The following PTPRD variants were observed in gnomAD, a reference collection of about 807,000 sequenced individuals.
PTPRD encodes receptor-type tyrosine-protein phosphatase delta.
A neutral mutation model predicts 214.5 loss-of-function variants in PTPRD; 34 were observed. That is an observed-to-expected ratio of 0.16 (90% CI 0.12 to 0.21). The LOEUF (loss-of-function observed/expected upper bound fraction) is 0.21. Ranked by LOEUF, PTPRD falls within the 10% of genes least tolerant of loss-of-function variation. PTPRD has a pLI of 1.00. For synonymous variants in PTPRD, 1,128 were observed against 845.7 expected (o/e 1.33, Z -5.79); for missense variants, 2,545 against 2,398.7 (o/e 1.06, Z -1.27).
intron 11 of PTPRD, among the ~76,000 whole-genome samples, chr9:9,016,829 C>T (rs2099537483): frequency 6.6e-6 from 1 of 152,096 alleles, no homozygotes; most frequent in African/African-American, 2.4e-5. Flanking sequence ...TGACAACTTG[C>T]TCAAATACCG....
intron 5 of PTPRD, among the ~76,000 whole-genome samples, chr9:9,798,756 G>A (rs1221629911): frequency 6.6e-6 from 1 of 152,134 alleles, no homozygotes; most frequent in Non-Finnish European, 1.5e-5. Context: ...GAGAGCGCAG[G>A]TAAAATGACT....
At chr9:10,241,837 G>T (rs1328416363) in intron 3 of PTPRD, among the ~76,000 whole-genome samples, 5 of 151,896 alleles carry the variant, frequency 3.3e-5, no homozygotes, top group Non-Finnish European at 7.4e-5. Flanking sequence ...ACAATTTATT[G>T]TGTTGTCAAT....
intron 3 of PTPRD, among the ~76,000 whole-genome samples, chr9:10,283,067 A>G (rs989258769): frequency 5.3e-5 from 8 of 151,978 alleles, no homozygotes; most frequent in Non-Finnish European, 1.2e-4. Flanking sequence ...ATTATTCTCC[A>G]GCTTGAAATT....
chr9:10,536,695 T>C (rs1449210952), intron 2 of PTPRD, among the ~76,000 whole-genome samples: 2 of 152,050 alleles, frequency 1.3e-5, no homozygotes, highest in Non-Finnish European at 1.5e-5. Context: ...ACAGAATGCA[T>C]TGCTTGTATA....
chr9:9,304,359 A>G (rs1025094195), intron 9 of PTPRD, among the ~76,000 whole-genome samples: 11 of 152,134 alleles, frequency 7.2e-5, no homozygotes, highest in African/African-American at 2.7e-4. Context: ...TTGAGCAAAG[A>G]CTTAAAGGAG....
intron 2 of PTPRD, among the ~76,000 whole-genome samples, chr9:10,358,607 G>T (rs1042583233): frequency 1.3e-5 from 2 of 151,834 alleles, no homozygotes; most frequent in African/African-American, 2.4e-5. Context: ...GAAAAATTTA[G>T]AGTTAGAAAA....
chr9:8,497,305 TAAA>T (rs2097298524), intron 25 of PTPRD, 37 bp from the exon 26 acceptor site: 2 of 1,558,152 alleles, frequency 1.3e-6, no homozygotes, highest in Non-Finnish European at 1.7e-6. Context: ...GAAAACAAAA[TAAA>T]AAGAAAAAGA....
At chr9:9,275,810 G>A (rs1945379953) in intron 9 of PTPRD, among the ~76,000 whole-genome samples, 1 of 150,526 alleles carries the variant, frequency 6.6e-6, no homozygotes, top group Admixed American at 6.7e-5. Context: ...ACAACAGTGA[G>A]CGAAACAGCT....
At position 10,514,236 on chromosome 9, in the gene PTPRD, A is replaced by T. The variant is rs145894118; in HGVS notation, c.-600+98162T>A. 1.5e-4 allele frequency among the ~76,000 whole-genome samples: 23 copies of T among 152,186 alleles called. No homozygotes were observed. The East Asian group carries it at 4.3e-3, about 28-fold the overall frequency. On this transcript the variant is annotated intron_variant, in intron 2 of 45. Coordinates refer to ENST00000381196, the MANE Select transcript of PTPRD (RefSeq NM_002839.4). ...TACTTGTTCATTTTTGTACAAGTAT[A>T]GATACTTCTAAACTCTGCATATTTA...
At chr9:10,156,621 TAG>T (rs1304775935) in intron 3 of PTPRD, among the ~76,000 whole-genome samples, 4 of 152,180 alleles carry the variant, frequency 2.6e-5, no homozygotes, top group African/African-American at 9.7e-5. Context: ...TGTTTTGGGG[TAG>T]AGAGTTGTGT....
intron 11 of PTPRD, among the ~76,000 whole-genome samples, chr9:8,934,670 T>G (rs1354658127): frequency 6.7e-6 from 1 of 149,246 alleles, no homozygotes; most frequent in East Asian, 2.0e-4. Context: ...TACCCTAGAG[T>G]ATTATTAACT....
chr9:9,052,783 T>C (rs1312982758), intron 10 of PTPRD, among the ~76,000 whole-genome samples: 1 of 152,216 alleles, frequency 6.6e-6, no homozygotes, highest in Admixed American at 6.5e-5. Flanking sequence ...GTAAGCTGCA[T>C]TAGGAATTTT....
In PTPRD at chr9:9,344,506, T is replaced by C. The variant is rs999082857; in HGVS notation, c.-203+52943A>G. ...ACTTAAAGTAAAATAAAAGTAAAAA[T>C]TAAAAAAAAAGAAAGCTAACTCATC... On this transcript the variant is annotated intron_variant, in intron 9 of 45. Transcript: ENST00000381196. 2.6e-5 allele frequency among the ~76,000 whole-genome samples: 4 copies of C among 151,384 alleles called. No individual in the cohort carries two copies. In the East Asian group the frequency reaches 7.8e-4, roughly 29 times the overall value.
At chr9:8,527,227 C>G in intron 16 of PTPRD, 118 bp downstream of exon 16, 1 of 1,059,472 alleles carries the variant, frequency 9.4e-7, no homozygotes, top group Non-Finnish European at 1.4e-6. Context: ...CTACAGAGAT[C>G]TGGTGTCTAC....
intron 7 of PTPRD, among the ~76,000 whole-genome samples, chr9:9,623,738 C>T (rs2095325360): frequency 6.6e-6 from 1 of 152,168 alleles, no homozygotes; most frequent in African/African-American, 2.4e-5. Flanking sequence ...GAATTAGAAT[C>T]TCATATATAC....
intron 3 of PTPRD, among the ~76,000 whole-genome samples, chr9:10,212,310 T>G (rs2099521066): frequency 6.6e-6 from 1 of 152,114 alleles, no homozygotes; most frequent in South Asian, 2.1e-4. Flanking sequence ...TCAAGGCATC[T>G]TAATTTATCA....
At chr9:9,297,642 C>A (rs895409554) in intron 9 of PTPRD, among the ~76,000 whole-genome samples, 3 of 151,642 alleles carry the variant, frequency 2.0e-5, no homozygotes, top group Non-Finnish European at 4.4e-5. Flanking sequence ...TTATTACTAA[C>A]TGTAAACCAC....
intron 10 of PTPRD, among the ~76,000 whole-genome samples, chr9:9,046,706 G>A (rs2099673068): frequency 6.6e-6 from 1 of 152,074 alleles, no homozygotes; most frequent in Admixed American, 6.6e-5. Flanking sequence ...TAATCATGCA[G>A]GCAATTTTGT....
chr9:8,387,716 AG>A (rs1027558232), intron 37 of PTPRD, among the ~76,000 whole-genome samples: 1 of 152,148 alleles, frequency 6.6e-6, no homozygotes, highest in Non-Finnish European at 1.5e-5. Context: ...CCTTGGGCAA[AG>A]CTTCTGTAAT....
Sources: allele counts gnomAD v4.1 joint callset (sites outside exome capture counted in the v4.1 genomes callset), GRCh38; gene constraint gnomAD v4.1.1; transcripts MANE v1.5; gene names NCBI Gene and HGNC (gene_info 2026-07-23, HGNC 2026-07-21).